The following MBD5 variants were observed in gnomAD, a reference collection of about 807,000 sequenced individuals.
MBD5 encodes the protein methyl-CpG binding domain protein 5.
MBD5 carries 13 observed loss-of-function variants against 117.3 expected under a neutral mutation model. The observed-to-expected ratio is 0.11, with a 90% CI of 0.07 to 0.18. MBD5 has a LOEUF of 0.18. MBD5 is among the 10% of genes least tolerant of loss of function. The pLI, the probability that MBD5 is intolerant of heterozygous loss-of-function variation, is 1.00. For synonymous variants in MBD5, 727 were observed against 766.4 expected, an observed-to-expected ratio of 0.95 and a Z score of 0.85; for missense variants, 1,879 against 2,093.8, an observed-to-expected ratio of 0.90 and a Z score of 2.00.
chr2:148,480,543 TA>T (rs2105049242), intron 8 of MBD5, among the ~76,000 whole-genome samples: 1 of 152,150 alleles, frequency 6.6e-6, no homozygotes, highest in East Asian at 1.9e-4. Context: ...TACCAGTAAA[TA>T]AGACTTTTTA....
rs140116521 is a variant in MBD5 at position 148,400,903 on chromosome 2, A to G, written c.-556-57300A>G. Among the ~76,000 whole-genome samples the G allele has an allele frequency of 3.2e-3, 484 of 152,244 alleles. 4 individuals are homozygous for G. The highest frequency in any genetic ancestry group is 0.011 in the African/African-American group (449 of 41,552). ...ATTGTCTTCATCCTAGTTAATGGAAAATAATGTTTATTTGAATAGCACTGC... is the reference window on the plus strand; with the variant it reads ...ATTGTCTTCATCCTAGTTAATGGAAGATAATGTTTATTTGAATAGCACTGC... On this transcript the variant is annotated intron_variant, in intron 4 of 13. Transcript: ENST00000642680.
At chr2:148,459,348 G>A (rs1246256440) in intron 5 of MBD5, among the ~76,000 whole-genome samples, 1 of 151,928 alleles carries the variant, frequency 6.6e-6, no homozygotes, top group Non-Finnish European at 1.5e-5. Flanking sequence ...CTATTTCCTT[G>A]CGTGTAATAG....
intron 2 of MBD5, among the ~76,000 whole-genome samples, chr2:148,195,895 G>A (rs1337418329): frequency 6.6e-6 from 1 of 152,110 alleles, no homozygotes; most frequent in Non-Finnish European, 1.5e-5. Flanking sequence ...ACATGGCTTA[G>A]AAAGAAATTT....
chr2:148,230,592 C>T (rs562021064), intron 2 of MBD5, among the ~76,000 whole-genome samples: 2 of 152,186 alleles, frequency 1.3e-5, no homozygotes, highest in African/African-American at 2.4e-5. Flanking sequence ...TTTGCTTTTC[C>T]CTTTGATTTT....
At chr2:148,030,939 A>T (rs924850885) in intron 1 of MBD5, among the ~76,000 whole-genome samples, 1 of 152,152 alleles carries the variant, frequency 6.6e-6, no homozygotes, top group Non-Finnish European at 1.5e-5. Flanking sequence ...GGAACAATGG[A>T]TATAATGTAG....
chr2:148,093,911 T>C (rs568938667), intron 1 of MBD5, among the ~76,000 whole-genome samples: 1 of 152,316 alleles, frequency 6.6e-6, no homozygotes, highest in South Asian at 2.1e-4. Context: ...AACTACTTAT[T>C]AAGTACCCAC....
chr2:148,235,815 C>T lies in MBD5; in HGVS notation c.-680+2420C>T, dbSNP rs150785228. On this transcript the variant is annotated intron_variant, in intron 3 of 13. Coordinates refer to ENST00000642680, the MANE Select transcript of MBD5 (RefSeq NM_001378120.1). ...AAAGGGGGAGTGTTTTGGGGGGTGG[C>T]GGGGACAGGCTCTTACTCTCTCTTC... 6.2e-3 allele frequency among the ~76,000 whole-genome samples: 937 copies of T among 151,370 alleles called. 6 individuals are homozygous for T. The highest frequency in any genetic ancestry group is 0.01 in the Non-Finnish European group (704 of 67,828).
chr2:148,145,286 G>A (rs1348337998), intron 1 of MBD5, among the ~76,000 whole-genome samples: 1 of 152,106 alleles, frequency 6.6e-6, no homozygotes, highest in African/African-American at 2.4e-5. Flanking sequence ...TGTGATTTTT[G>A]CACATTGATT....
At chr2:148,102,635 A>G (rs560921307) in intron 1 of MBD5, among the ~76,000 whole-genome samples, 3 of 150,970 alleles carry the variant, frequency 2.0e-5, no homozygotes, top group Admixed American at 1.3e-4. Context: ...TCACATTTAT[A>G]TGAGGAGTCA....
intron 3 of MBD5, among the ~76,000 whole-genome samples, chr2:148,275,087 GT>G (rs776099609): frequency 9.9e-5 from 15 of 151,832 alleles, no homozygotes; most frequent in Non-Finnish European, 1.5e-4. Flanking sequence ...ATTATTTTTT[GT>G]TTTAGATTAT....
chr2:148,115,481 A>C (rs536115524), intron 1 of MBD5, among the ~76,000 whole-genome samples: 3 of 152,180 alleles, frequency 2.0e-5, no homozygotes, highest in Admixed American at 6.5e-5. Context: ...AAATGCATGT[A>C]AGGTATTTAG....
chr2:148,293,191 T>C (rs1362258656), intron 3 of MBD5, among the ~76,000 whole-genome samples: 1 of 146,740 alleles, frequency 6.8e-6, no homozygotes, highest in Non-Finnish European at 1.5e-5. Context: ...CATGGTGGCA[T>C]GTGTCTGTAG....
At chr2:148,286,871 A>C (rs1279229127) in intron 3 of MBD5, among the ~76,000 whole-genome samples, 1 of 152,168 alleles carries the variant, frequency 6.6e-6, no homozygotes, top group Non-Finnish European at 1.5e-5. Flanking sequence ...TATTTAACTG[A>C]AGGCTATTTA....
chr2:148,155,967 A>G (rs548434693), intron 1 of MBD5, among the ~76,000 whole-genome samples: 1 of 152,322 alleles, frequency 6.6e-6, no homozygotes, highest in Non-Finnish European at 1.5e-5. Context: ...GAGAAAAGAA[A>G]CACTGTCCAA....
chr2:148,145,671 T>A (rs1697439719), intron 1 of MBD5, among the ~76,000 whole-genome samples: 3 of 152,220 alleles, frequency 2.0e-5, no homozygotes, highest in Non-Finnish European at 4.4e-5. Flanking sequence ...GGTGTTGAAT[T>A]TTGTCAAAAG....
intron 4 of MBD5, among the ~76,000 whole-genome samples, chr2:148,411,512 C>CTTTTTTTTT (rs1188326755): frequency 1.1e-3 from 105 of 97,376 alleles, no homozygotes; most frequent in East Asian, 3.1e-3. Flanking sequence ...AGCATCTGTT[C>CTTTTTTTTT]TTTTTTTTTT....
At chr2:148,212,310 T>A (rs1288868691) in intron 2 of MBD5, among the ~76,000 whole-genome samples, 1 of 152,228 alleles carries the variant, frequency 6.6e-6, no homozygotes, top group Non-Finnish European at 1.5e-5. Context: ...TTCTGGATGT[T>A]TCATTTAAGT....
intron 2 of MBD5, among the ~76,000 whole-genome samples, chr2:148,216,652 AG>A (rs1558976432): frequency 6.6e-6 from 1 of 152,152 alleles, no homozygotes; most frequent in Non-Finnish European, 1.5e-5. Flanking sequence ...TCTCCCCAAG[AG>A]GTGGGCAGAA....
intron 1 of MBD5, among the ~76,000 whole-genome samples, chr2:148,161,272 G>A (rs1698001312): frequency 6.6e-6 from 1 of 152,052 alleles, no homozygotes; most frequent in Non-Finnish European, 1.5e-5. Context: ...ATCCAGAGTG[G>A]GACATTGAGC....
Sources: gnomAD v4.1 joint callset for allele counts (sites outside exome capture counted in the v4.1 genomes callset) on GRCh38, gnomAD v4.1.1 for gene constraint, MANE v1.5 for transcripts, NCBI Gene and HGNC (gene_info 2026-07-23, HGNC 2026-07-21) for gene names.